The following ORC1 variants were observed in gnomAD, a reference collection of about 807,000 sequenced individuals.
ORC1 encodes origin recognition complex, subunit 1 homolog.
Under a neutral mutation model 98.9 loss-of-function variants are expected in ORC1, and 61 were observed. The observed-to-expected ratio is 0.62, with a 90% CI of 0.50 to 0.76. ORC1 has a LOEUF of 0.76. ORC1 is among the 30% of genes least tolerant of loss of function. The probability of loss-of-function intolerance (pLI) is 0.00; values close to 1 mark genes in which losing one functional copy is unlikely to be tolerated. For missense variants in ORC1, 979 were observed against 1,072.2 expected (o/e 0.91, Z 1.21); for synonymous variants, 385 against 406.9 (o/e 0.95, Z 0.65).
intron 14 of ORC1, among the ~76,000 whole-genome samples, chr1:52,379,860 G>A (rs1647038769): frequency 6.6e-6 from 1 of 152,064 alleles, no homozygotes; most frequent in Admixed American, 6.6e-5. Flanking sequence ...TTGAACAAGG[G>A]AGGTGGAGGT....
chr1:52,383,661 T>C (rs1022980844), intron 12 of ORC1, 92 bp from the exon 13 acceptor site: 5 of 1,467,238 alleles, frequency 3.4e-6, no homozygotes, highest in Non-Finnish European at 4.8e-6. Context: ...TTTAGCTGCA[T>C]GTTTCCCAAG....
chr1:52,389,365 CCAG>C, intron 6 of ORC1, 44 bp from the exon 7 acceptor site: 4 of 1,401,924 alleles, frequency 2.9e-6, no homozygotes, highest in Non-Finnish European at 4.1e-6. Flanking sequence ...GTTTTGGATA[CCAG>C]AGTGTACAAA....
Position 52,393,556 on chromosome 1 carries a change from T to C in ORC1, c.969A>G (p.Ala323=), listed in dbSNP as rs758384724. The C allele has an allele frequency of 1.5e-5, 25 of 1,614,208 alleles. No individual in the cohort carries two copies. Among genetic ancestry groups the C allele is most frequent in the Middle Eastern group, 1.6e-4 (1 of 6,062 alleles). Residue 323 remains alanine (A), a synonymous_variant, in exon 6 of 17, where the codon GCA becomes GCG. Transcript: ENST00000371568. ...EHRIILRTRI[A]ASKTIDIREE... Reference sequence around the variant, plus strand: ...CTCTAATGTCTATGGTTTTCGAAGCTGCAATTCGGGTTCTCAGGATTATGC... The same window carrying C: ...CTCTAATGTCTATGGTTTTCGAAGCCGCAATTCGGGTTCTCAGGATTATGC...
chr1:52,402,629 C>T (rs1316808665), intron 1 of ORC1, among the ~76,000 whole-genome samples: 3 of 152,174 alleles, frequency 2.0e-5, no homozygotes, highest in Non-Finnish European at 4.4e-5. Flanking sequence ...AAAATGCACA[C>T]AAGGATAAAA....
At position 52,390,526 on chromosome 1, in the gene ORC1, G is replaced by A. The variant is rs1026253879; in HGVS notation, c.1083-1205C>T. Among the ~76,000 whole-genome samples the A allele has an allele frequency of 3.9e-5, 6 of 152,352 alleles. No homozygotes were observed. In the East Asian group the frequency reaches 1.2e-3, roughly 29 times the overall value. ...AAGAATGAAACTGGGGCCGGCCATG[G>A]TGGCTCACGCCTGTAATCCCAGCAC... On this transcript the variant is annotated intron_variant, in intron 6 of 16. Coordinates refer to ENST00000371568, the MANE Select transcript of ORC1 (RefSeq NM_004153.4).
chr1:52,395,812 T>C (rs574186543), intron 5 of ORC1, among the ~76,000 whole-genome samples: 1 of 152,042 alleles, frequency 6.6e-6, no homozygotes, highest in Non-Finnish European at 1.5e-5. Flanking sequence ...CAAGACTCTG[T>C]CTCAAAAAAC....
At chr1:52,405,772 T>C, upstream of ORC1, 3 of 1,614,162 alleles carry the variant, frequency 1.9e-6, no homozygotes, top group Non-Finnish European at 2.5e-6. Context: ...GTGTTTAACC[T>C]TGAAGATGCT....
chr1:52,409,491 A>T, the ORC1 span: 1 of 152,252 alleles, frequency 6.6e-6, no homozygotes, highest in East Asian at 1.9e-4. Context: ...CACACCTGTA[A>T]TCCCAGCTAC....
chr1:52,378,834 C>A (rs928998987), intron 14 of ORC1, among the ~76,000 whole-genome samples: 1 of 151,776 alleles, frequency 6.6e-6, no homozygotes, highest in Non-Finnish European at 1.5e-5. Context: ...GAGATTGAGA[C>A]CATCCTGGCT....
Position 52,390,716 on chromosome 1 carries a change from C to A in ORC1, c.1083-1395G>T, listed in dbSNP as rs569156827. Among the ~76,000 whole-genome samples, 34 of 152,028 alleles carry A rather than the reference C, an allele frequency of 2.2e-4. 1 individual carries two copies. The South Asian group carries it at 6.2e-3, about 28-fold the overall frequency. On this transcript the variant is annotated intron_variant, in intron 6 of 16. Transcript: ENST00000371568. ...GATCAGCCTGGCCAACACAGTGAAA[C>A]CCTGTCTCTACTAAAAATACAAAAA...
intron 8 of ORC1, among the ~76,000 whole-genome samples, chr1:52,387,669 G>T (rs1252868443): frequency 3.3e-5 from 5 of 152,030 alleles, no homozygotes; most frequent in Non-Finnish European, 7.3e-5. Flanking sequence ...TTGTTGGCCA[G>T]GCTGGTCTTG....
At chr1:52,396,021 C>A (rs762800150) in intron 5 of ORC1, 25 bp downstream of exon 5, 1 of 1,614,074 alleles carries the variant, frequency 6.2e-7, no homozygotes, top group South Asian at 1.1e-5. Flanking sequence ...CAGTATTGCC[C>A]ACGGTGATCC....
At chr1:52,376,243 G>A (rs1007151636) in intron 14 of ORC1, among the ~76,000 whole-genome samples, 4 of 152,022 alleles carry the variant, frequency 2.6e-5, no homozygotes, top group South Asian at 4.1e-4. Context: ...TCTGGGGCGC[G>A]GTGGGTCACA....
chr1:52,407,911 CTGG>C (rs1349550790), upstream of ORC1, among the ~76,000 whole-genome samples: 14 of 152,234 alleles, frequency 9.2e-5, 1 homozygote, highest in African/African-American at 3.1e-4. Flanking sequence ...AAAAATTAGG[CTGG>C]GTGTGTTGGC....
Position 52,384,632 on chromosome 1 carries a change from T to C in ORC1, c.1673A>G (p.Asn558Ser), listed in dbSNP as rs199879890. The change falls in exon 11 of 17, where the codon AAT becomes AGT. Residue 558 changes from asparagine to serine, a missense_variant. Physicochemically the swap from Asn to Ser is conservative, Grantham distance 46. Coordinates refer to ENST00000371568, the MANE Select transcript of ORC1 (RefSeq NM_004153.4). The part of the protein sequence containing the change: ...IRCLQQAAQA[N>S]DVPPFQYIEV... ...AATGTATTGAAAGGGAGGAACATCA[T>C]TGGCTTGGGCTGCCTGCTGCAGGCA... 1.6e-5 allele frequency: 26 copies of C among 1,613,866 alleles called. No individual in the cohort carries two copies. The African/African-American group carries it at 1.7e-4, about 11-fold the overall frequency.
chr1:52,393,207 C>T (rs2147937114), intron 6 of ORC1, among the ~76,000 whole-genome samples: 1 of 152,282 alleles, frequency 6.6e-6, no homozygotes, highest in Admixed American at 6.5e-5. Flanking sequence ...AATAACAGCT[C>T]GGTATACTGG....
At chr1:52,391,502 G>A (rs1250916335) in intron 6 of ORC1, among the ~76,000 whole-genome samples, 1 of 152,046 alleles carries the variant, frequency 6.6e-6, no homozygotes, top group African/African-American at 2.4e-5. Flanking sequence ...CCACAGAGTG[G>A]GAGAAAATAT....
intron 14 of ORC1, 105 bp from the exon 15 acceptor site, chr1:52,375,704 C>T: frequency 9.6e-7 from 1 of 1,038,528 alleles, no homozygotes. Context: ...AAGTACTTAG[C>T]CCTGGCAGGG....
chr1:52,380,064 A>G (rs1216452470), intron 14 of ORC1, among the ~76,000 whole-genome samples: 1 of 152,258 alleles, frequency 6.6e-6, no homozygotes, highest in Non-Finnish European at 1.5e-5. Flanking sequence ...TACTATATGC[A>G]TGCCAAACTG....
Sources: allele counts gnomAD v4.1 joint callset (sites outside exome capture counted in the v4.1 genomes callset), GRCh38; gene constraint gnomAD v4.1.1; transcripts MANE v1.5; gene names NCBI Gene and HGNC (gene_info 2026-07-23, HGNC 2026-07-21).